CAPN5: variants seen among roughly 807,000 people sequenced by gnomAD.
CAPN5 encodes the protein calpain-5.
In CAPN5, 54 loss-of-function variants were observed where a neutral mutation model predicts 73.0. The ratio of observed to expected loss-of-function variants is 0.74; its 90% CI spans 0.59 to 0.93. CAPN5 has a LOEUF of 0.93. Ranked by LOEUF, CAPN5 falls within the 40% of genes least tolerant of loss-of-function variation. CAPN5 has a pLI of 0.00. For missense variants in CAPN5, 785 were observed against 882.9 expected (o/e 0.89, Z 1.41); for synonymous variants, 335 against 356.9 (o/e 0.94, Z 0.69).
intron 3 of CAPN5, among the ~76,000 whole-genome samples, chr11:77,101,469 T>C (rs1950283379): frequency 1.3e-5 from 2 of 152,164 alleles, no homozygotes; most frequent in Non-Finnish European, 2.9e-5. Flanking sequence ...GCTGTATGGT[T>C]CTCTCAAATA....
chr11:77,098,047 C>A (rs201627107), intron 3 of CAPN5, among the ~76,000 whole-genome samples: 1 of 89,962 alleles, frequency 1.1e-5, no homozygotes, highest in African/African-American at 6.1e-5. Flanking sequence ...GTAGGGGCGG[C>A]CGGGCAGAGG....
chr11:77,085,549 G>A (rs1950076794), intron 2 of CAPN5, among the ~76,000 whole-genome samples: 1 of 152,156 alleles, frequency 6.6e-6, no homozygotes, highest in Non-Finnish European at 1.5e-5. Context: ...CTCATAGAGT[G>A]GTTGTGAGAA....
chr11:77,093,722 G>A lies in CAPN5; in HGVS notation c.206G>A (p.Ser69Asn). The A allele has an allele frequency of 1.2e-6, 2 of 1,610,326 alleles. No homozygotes were observed. The highest frequency in any genetic ancestry group is 8.5e-7 in the Non-Finnish European group (1 of 1,179,408). The change falls in exon 3 of 13, where the codon AGC becomes AAC. Residue 69 changes from serine to asparagine, a missense_variant. By Grantham distance (46) the Ser-to-Asn change is conservative. Coordinates refer to ENST00000648180, the MANE Select transcript of CAPN5 (RefSeq NM_004055.5). Reference sequence around the variant, plus strand: ...CCCCGCCTCTTTGTGGATGGCATCAGCTCCCACGACCTGCACCAGGGCCAG... The same window carrying A: ...CCCCGCCTCTTTGTGGATGGCATCAACTCCCACGACCTGCACCAGGGCCAG... Reference protein sequence around the residue: ...EDPRLFVDGISSHDLHQGQVG... With the variant: ...EDPRLFVDGINSHDLHQGQVG...
intron 11 of CAPN5, 22 bp downstream of exon 11, chr11:77,122,071 C>G (rs782553221): frequency 7.1e-7 from 1 of 1,400,074 alleles, no homozygotes. Context: ...CAGGGAGAGT[C>G]CCCCGGCCCT....
chr11:77,095,476 C>G (rs4945142), intron 3 of CAPN5, among the ~76,000 whole-genome samples: 2 of 152,052 alleles, frequency 1.3e-5, no homozygotes, highest in African/African-American at 2.4e-5. Flanking sequence ...ACAGGCAGAA[C>G]TGGCCCAACG....
intron 3 of CAPN5, among the ~76,000 whole-genome samples, chr11:77,106,324 C>T (rs1339512580): frequency 6.8e-6 from 1 of 147,620 alleles, no homozygotes; most frequent in Non-Finnish European, 1.5e-5. Context: ...CCCAAGCTTG[C>T]CTTCCAGCCA....
In CAPN5 at chr11:77,088,523, G is replaced by A. The variant is rs146379002; in HGVS notation, c.165+3472G>A. ...CCATGGAGGAGAAGGAGGTAGGGCT[G>A]GGGGAGGGCAAGTCTTCTGCAGAGG... On this transcript the variant is annotated intron_variant, in intron 2 of 12. Coordinates refer to ENST00000648180, the MANE Select transcript of CAPN5 (RefSeq NM_004055.5). 8.4e-4 allele frequency among the ~76,000 whole-genome samples: 128 copies of A among 152,270 alleles called. 1 individual carries two copies. Among genetic ancestry groups the A allele is most frequent in the African/African-American group, 2.7e-3 (111 of 41,542 alleles).
intron 9 of CAPN5, chr11:77,119,367 A>G (rs1294594127): frequency 1.4e-5 from 8 of 582,160 alleles, no homozygotes; most frequent in African/African-American, 1.3e-4. Context: ...GGGAGCTCTC[A>G]GCCTGATTTC....
chr11:77,082,548 G>GC (rs1225721628), intron 1 of CAPN5, among the ~76,000 whole-genome samples: 1 of 152,200 alleles, frequency 6.6e-6, no homozygotes, highest in Non-Finnish European at 1.5e-5. Context: ...GTGCAGAGGG[G>GC]CAGTCTGTGC....
chr11:77,079,587 C>A (rs1950008654), intron 1 of CAPN5, among the ~76,000 whole-genome samples: 1 of 152,134 alleles, frequency 6.6e-6, no homozygotes, highest in African/African-American at 2.4e-5. Flanking sequence ...AATACTATTG[C>A]AATAGACATT....
intron 3 of CAPN5, among the ~76,000 whole-genome samples, chr11:77,095,775 C>A (rs987327099): frequency 6.6e-6 from 1 of 152,236 alleles, no homozygotes; most frequent in African/African-American, 2.4e-5. Flanking sequence ...GAAGAACAGG[C>A]CCAGGACTGC....
At chr11:77,121,878 C>T in intron 10 of CAPN5, 56 bp from the exon 11 acceptor site, 2 of 929,140 alleles carry the variant, frequency 2.2e-6, no homozygotes, top group Non-Finnish European at 3.2e-6. Flanking sequence ...CCCTCTTCAC[C>T]CCTGTCTTCC....
Position 77,124,030 on chromosome 11 carries a change from A to G in CAPN5, c.*160A>G. On this transcript the variant is annotated 3_prime_UTR_variant, in exon 13 of 13. Transcript: ENST00000648180. ...AAGTCTCTGCCCCTCTCTCAGCCTC[A>G]GTGTCCCGAGGGCCCCGAAGCATTC... The G allele has an allele frequency of 5.9e-6, 4 of 672,994 alleles. No homozygotes were observed. Among genetic ancestry groups the G allele is most frequent in the South Asian group, 3.9e-5 (2 of 51,610 alleles). The allele number at this position is 672,994 out of a possible 1,614,324, so 41.7% of individuals were successfully genotyped here.
chr11:77,079,550 G>A (rs782458534), intron 1 of CAPN5, among the ~76,000 whole-genome samples: 4 of 151,944 alleles, frequency 2.6e-5, no homozygotes, highest in Non-Finnish European at 4.4e-5. Context: ...TGAACATTTA[G>A]CTTGTTTCTC....
At chr11:77,088,053 C>T (rs1389089671) in intron 2 of CAPN5, 31 of 1,533,188 alleles carry the variant, frequency 2.0e-5, no homozygotes, top group Admixed American at 1.4e-4. Context: ...GCTCAGGGCC[C>T]GGGACCTGGT....
At chr11:77,089,699 C>G (rs1294213934) in intron 2 of CAPN5, among the ~76,000 whole-genome samples, 2 of 152,130 alleles carry the variant, frequency 1.3e-5, no homozygotes, top group African/African-American at 4.8e-5. Flanking sequence ...ATAGTGAAAC[C>G]CTGTCTCTAC....
At chr11:77,088,208 C>T (rs1303053465) in intron 2 of CAPN5, 1 of 1,041,484 alleles carries the variant, frequency 9.6e-7, no homozygotes, top group Non-Finnish European at 1.3e-6. Context: ...TGAACAGACA[C>T]TGGTTTTGGA....
rs1468116147 is a variant in CAPN5, at chr11:77,124,553, G to A, written c.*683G>A. ...TCCTCTCAGAGGCAGATACCTAGGG[G>A]AGCTGCTGCTGCCTGCTCATTCTAG... On this transcript the variant is annotated 3_prime_UTR_variant, in exon 13 of 13. Coordinates refer to ENST00000648180, the MANE Select transcript of CAPN5 (RefSeq NM_004055.5). 1 of 152,436 alleles carries A rather than the reference G, an allele frequency of 6.6e-6. No homozygotes were observed. The highest frequency in any genetic ancestry group is 1.5e-5 in the Non-Finnish European group (1 of 68,216). 9.4% of individuals were successfully genotyped at this position (152,436 alleles called of 1,614,324 possible).
rs782171249 is a variant in CAPN5, at chr11:77,119,177, G to A, written c.1290+25G>A. The A allele has an allele frequency of 2.3e-5, 37 of 1,593,946 alleles. No homozygotes were observed. In the South Asian group the frequency reaches 3.3e-4, roughly 14 times the overall value. On this transcript the variant is annotated intron_variant, in intron 9 of 12. Transcript: ENST00000648180. The stretch of plus-strand genomic sequence containing the variant: ...GGTGAGGCCAGCCGGGTCCCCTGCC[G>A]TGGGTGGGGAGAGGGAGGGAGCTGG...
Sources: allele counts gnomAD v4.1 joint callset (sites outside exome capture counted in the v4.1 genomes callset), GRCh38; gene constraint gnomAD v4.1.1; transcripts MANE v1.5; gene names NCBI Gene and HGNC (gene_info 2026-07-23, HGNC 2026-07-21).